ZFYVE9: variants seen among roughly 807,000 people sequenced by gnomAD.
The protein encoded by ZFYVE9 is zinc finger FYVE domain-containing protein 9.
A neutral mutation model predicts 126.7 loss-of-function variants in ZFYVE9; 43 were observed. The observed-to-expected ratio is 0.34, with a 90% CI of 0.27 to 0.44. The LOEUF (loss-of-function observed/expected upper bound fraction) is 0.44. Among genes scored for constraint, ZFYVE9 ranks in the 20% least tolerant of loss-of-function variants. ZFYVE9 has a pLI of 1.00. For synonymous variants in ZFYVE9, 521 were observed against 597.4 expected (o/e 0.87, Z 1.87); for missense variants, 1,476 against 1,697.0 (o/e 0.87, Z 2.29).
At chr1:52,181,524 G>A (rs1376921732) in intron 1 of ZFYVE9, among the ~76,000 whole-genome samples, 1 of 152,198 alleles carries the variant, frequency 6.6e-6, no homozygotes, top group Non-Finnish European at 1.5e-5. Context: ...GAAGGGAGAA[G>A]CGTCTCTGCC....
chr1:52,144,417 A>G (rs558033501), intron 1 of ZFYVE9, among the ~76,000 whole-genome samples: 4 of 152,240 alleles, frequency 2.6e-5, no homozygotes, highest in African/African-American at 7.2e-5. Context: ...ATTATATGTA[A>G]TATGCAGATT....
chr1:52,291,268 T>C (rs1335859777), intron 10 of ZFYVE9, among the ~76,000 whole-genome samples: 2 of 152,198 alleles, frequency 1.3e-5, no homozygotes, highest in African/African-American at 4.8e-5. Flanking sequence ...TTGTGGCTGC[T>C]ACTGTCAGGA....
At chr1:52,171,591 G>C (rs1557436220) in intron 1 of ZFYVE9, among the ~76,000 whole-genome samples, 1 of 152,120 alleles carries the variant, frequency 6.6e-6, no homozygotes, top group African/African-American at 2.4e-5. Context: ...TTCCACAATG[G>C]TTGAACTAGT....
chr1:52,233,617 G>C (rs1645244829), intron 3 of ZFYVE9, among the ~76,000 whole-genome samples: 1 of 152,200 alleles, frequency 6.6e-6, no homozygotes, highest in Admixed American at 6.5e-5. Flanking sequence ...TGAATGTATG[G>C]TCAAGAAATG....
intron 13 of ZFYVE9, among the ~76,000 whole-genome samples, chr1:52,330,788 G>C (rs1484710905): frequency 2.0e-5 from 3 of 152,120 alleles, no homozygotes; most frequent in African/African-American, 7.2e-5. Flanking sequence ...CTGGGATGCA[G>C]CCCAGCAGGT....
intron 1 of ZFYVE9, among the ~76,000 whole-genome samples, chr1:52,174,645 CTT>C (rs1644607116): frequency 6.6e-6 from 1 of 151,900 alleles, no homozygotes; most frequent in African/African-American, 2.4e-5. Context: ...GTCTGAGTCT[CTT>C]TGTAGGTCAC....
intron 12 of ZFYVE9, among the ~76,000 whole-genome samples, chr1:52,302,184 T>C (rs1646042247): frequency 6.6e-6 from 1 of 152,248 alleles, no homozygotes; most frequent in African/African-American, 2.4e-5. Flanking sequence ...TCCTGCTTCT[T>C]TGAATGTTTG....
intron 4 of ZFYVE9, among the ~76,000 whole-genome samples, chr1:52,261,228 T>C (rs1334218460): frequency 2.8e-5 from 4 of 143,632 alleles, no homozygotes; most frequent in Non-Finnish European, 6.1e-5. Context: ...CTTTCTTTCT[T>C]TTTTTTTTTT....
intron 1 of ZFYVE9, among the ~76,000 whole-genome samples, chr1:52,208,580 C>T (rs1010381671): frequency 3.3e-5 from 5 of 151,372 alleles, no homozygotes; most frequent in Middle Eastern, 3.4e-3. Context: ...TGGCCTGGCG[C>T]GATCTCAGCC....
intron 13 of ZFYVE9, among the ~76,000 whole-genome samples, chr1:52,326,413 T>C (rs1646292336): frequency 1.3e-5 from 2 of 152,194 alleles, no homozygotes; most frequent in Admixed American, 1.3e-4. Flanking sequence ...TTTGTAAATA[T>C]TAATTTATCT....
intron 13 of ZFYVE9, among the ~76,000 whole-genome samples, chr1:52,329,859 C>T (rs185723346): frequency 4.5e-4 from 68 of 151,614 alleles, no homozygotes; most frequent in African/African-American, 1.5e-3. Flanking sequence ...GAGCCTAGAT[C>T]GCGCCACTGC....
intron 1 of ZFYVE9, among the ~76,000 whole-genome samples, chr1:52,180,752 G>T (rs1644691121): frequency 6.6e-6 from 1 of 151,868 alleles, no homozygotes; most frequent in African/African-American, 2.4e-5. Flanking sequence ...GAGGCAGGCA[G>T]ATCACCTGAA....
At chr1:52,342,882 G>T (rs1569793062) in intron 17 of ZFYVE9, among the ~76,000 whole-genome samples, 1 of 151,504 alleles carries the variant, frequency 6.6e-6, no homozygotes, top group South Asian at 2.1e-4. Flanking sequence ...AGAGAAGTCA[G>T]GTGCTTTCCA....
intron 4 of ZFYVE9, among the ~76,000 whole-genome samples, chr1:52,255,819 C>CA (rs1376798500): frequency 6.6e-6 from 1 of 151,972 alleles, no homozygotes; most frequent in Non-Finnish European, 1.5e-5. Context: ...TGCATCACTG[C>CA]ACTCTAGTCT....
chr1:52,330,423 C>G (rs1457678746), intron 13 of ZFYVE9, among the ~76,000 whole-genome samples: 2 of 152,188 alleles, frequency 1.3e-5, no homozygotes, highest in Non-Finnish European at 2.9e-5. Context: ...CATGGGCTGC[C>G]TGACTGAGTA....
chr1:52,178,064 A>T (rs1284929250), intron 1 of ZFYVE9, among the ~76,000 whole-genome samples: 1 of 151,498 alleles, frequency 6.6e-6, no homozygotes, highest in Non-Finnish European at 1.5e-5. Context: ...TAGATCACGA[A>T]GTCAGGAGAT....
At chr1:52,193,682 G>C (rs957994052) in intron 1 of ZFYVE9, among the ~76,000 whole-genome samples, 2 of 133,106 alleles carry the variant, frequency 1.5e-5, no homozygotes, top group African/African-American at 5.6e-5. Context: ...ACTCAAGTCT[G>C]GGCAACAAGA....
chr1:52,270,956 A>C (rs1645686641), intron 7 of ZFYVE9, among the ~76,000 whole-genome samples: 1 of 152,166 alleles, frequency 6.6e-6, no homozygotes, highest in South Asian at 2.1e-4. Context: ...TTGGAAGGCC[A>C]AGGCAGGAGG....
At chr1:52,197,985 A>G (rs913764393) in intron 1 of ZFYVE9, among the ~76,000 whole-genome samples, 1 of 152,244 alleles carries the variant, frequency 6.6e-6, no homozygotes, top group Admixed American at 6.5e-5. Context: ...GTGAGAGGTG[A>G]TGTTTATAGA....
Sources: gnomAD v4.1 joint callset for allele counts (sites outside exome capture counted in the v4.1 genomes callset) on GRCh38, gnomAD v4.1.1 for gene constraint, MANE v1.5 for transcripts, NCBI Gene and HGNC (gene_info 2026-07-23, HGNC 2026-07-21) for gene names.